SGSM2: variants seen among roughly 807,000 people sequenced by gnomAD.
SGSM2 encodes the protein small G protein signaling modulator 2, also known as RUN and TBC1 domain containing 1.
In SGSM2, 89 loss-of-function variants were observed where a neutral mutation model predicts 126.6. The observed-to-expected ratio is 0.70, with a 90% CI of 0.59 to 0.84. The LOEUF (loss-of-function observed/expected upper bound fraction) is 0.84. Ranked by LOEUF, SGSM2 falls within the 40% of genes least tolerant of loss-of-function variation. The probability of loss-of-function intolerance (pLI) is 0.00; values close to 1 mark genes in which losing one functional copy is unlikely to be tolerated. For synonymous variants in SGSM2, 614 were observed against 574.3 expected (o/e 1.07, Z -0.99); for missense variants, 1,404 against 1,416.6 (o/e 0.99, Z 0.14).
intron 2 of SGSM2, among the ~76,000 whole-genome samples, chr17:2,360,693 TCTGA>T (rs1489111996): frequency 5.9e-5 from 9 of 152,370 alleles, no homozygotes; most frequent in African/African-American, 9.6e-5. Flanking sequence ...CTTTGTTCTG[TCTGA>T]CTGTCTCCAG....
At chr17:2,347,092 C>T (rs1335227568) in intron 2 of SGSM2, among the ~76,000 whole-genome samples, 1 of 151,822 alleles carries the variant, frequency 6.6e-6, no homozygotes, top group Non-Finnish European at 1.5e-5. Context: ...GAGACCCTGT[C>T]TCGTTTGTTT....
Position 2,362,319 on chromosome 17 carries a change from C to T in SGSM2, c.458+49C>T, listed in dbSNP as rs549366754. On this transcript the variant is annotated intron_variant, in intron 4 of 23. Transcript: ENST00000268989. This position sits in a 1 kb window ranked among gnomAD's most constrained non-coding sequence, Gnocchi z 4.9. ...CTGCAGGTGACCACCCCGTTCCCCC[C>T]AAAACTGCAGGTGACCGCCCCGTTC... The T allele has an allele frequency of 1.8e-5, 27 of 1,506,678 alleles. No homozygotes were observed. The highest frequency in any genetic ancestry group is 2.1e-5 in the Non-Finnish European group (24 of 1,125,842). The allele number at this position is 1,506,678 out of a possible 1,614,324, so 93.3% of individuals were successfully genotyped here.
At chr17:2,354,757 A>G (rs945081953) in intron 2 of SGSM2, among the ~76,000 whole-genome samples, 2 of 152,270 alleles carry the variant, frequency 1.3e-5, no homozygotes, top group African/African-American at 4.8e-5. Context: ...GCAGCTCCCC[A>G]CGTCCCTTCC....
chr17:2,347,618 T>G (rs1048160954), intron 2 of SGSM2, among the ~76,000 whole-genome samples: 2 of 151,528 alleles, frequency 1.3e-5, no homozygotes, highest in South Asian at 4.2e-4. Flanking sequence ...CCCCCTCCCC[T>G]GGAGGGGAAG....
At position 2,364,878 on chromosome 17, in the gene SGSM2, T is replaced by C. The variant is rs2065485360; in HGVS notation, c.1001-19T>C. 3.1e-6 allele frequency: 5 copies of C among 1,604,874 alleles called. No individual in the cohort carries two copies. The African/African-American group carries it at 4.0e-5, about 13-fold the overall frequency. Reference sequence around the variant, plus strand: ...GCCGACGAGAGGGCCTCAGCCGCACTCTCCACGTTCACCCCCAGAGAGCGG... The same window carrying C: ...GCCGACGAGAGGGCCTCAGCCGCACCCTCCACGTTCACCCCCAGAGAGCGG... On this transcript the variant is annotated intron_variant, in intron 9 of 23. Transcript: ENST00000268989.
At chr17:2,353,774 A>C (rs1349557740) in intron 2 of SGSM2, among the ~76,000 whole-genome samples, 3 of 151,452 alleles carry the variant, frequency 2.0e-5, no homozygotes, top group Admixed American at 1.3e-4. Context: ...TTTAAAAAAA[A>C]AAGCGTGCAG....
chr17:2,371,253 T>C lies in SGSM2; in HGVS notation c.1424-9T>C. ...CAGGCCCTGACCATGCCACCCTTCC[T>C]GCCCGCAGACGCTGGTGACATGATC... is the stretch of plus-strand genomic sequence containing the variant. On this transcript the variant is annotated splice_polypyrimidine_tract_variant and intron_variant, in intron 12 of 23. Coordinates refer to ENST00000268989, the MANE Select transcript of SGSM2 (RefSeq NM_014853.3). The C allele has an allele frequency of 6.2e-7, 1 of 1,609,424 alleles. No homozygotes were observed. The highest frequency in any genetic ancestry group is 8.5e-7 in the Non-Finnish European group (1 of 1,179,300).
intron 2 of SGSM2, among the ~76,000 whole-genome samples, chr17:2,349,071 C>T (rs2064732041): frequency 6.6e-6 from 1 of 151,310 alleles, no homozygotes. Context: ...CCCACATCTG[C>T]TTTGTTTTTG....
In SGSM2 at chr17:2,367,180, G is replaced by T; in HGVS notation, c.1289-91G>T. 1 of 1,410,380 alleles carries T rather than the reference G, an allele frequency of 7.1e-7. No individual in the cohort carries two copies. 87.4% of individuals were successfully genotyped at this position (1,410,380 alleles called of 1,614,324 possible). ...TGCCCTGCAGATTCACGATGACCCCGGCCTCCATTCCACTCCCCTTAAGGA... is the reference window on the plus strand; with the variant it reads ...TGCCCTGCAGATTCACGATGACCCCTGCCTCCATTCCACTCCCCTTAAGGA... On this transcript the variant is annotated intron_variant, in intron 11 of 23. Coordinates refer to ENST00000268989, the MANE Select transcript of SGSM2 (RefSeq NM_014853.3). This position sits in a 1 kb window ranked among gnomAD's most constrained non-coding sequence, Gnocchi z 4.0.
chr17:2,372,058 G>C lies in SGSM2; in HGVS notation c.1578-132G>C, dbSNP rs758968566. 9.5e-7 allele frequency: 1 copy of C among 1,056,954 alleles called. No individual in the cohort carries two copies. The allele number at this position is 1,056,954 out of a possible 1,614,324, so 65.5% of individuals were successfully genotyped here. ...ACAGGGCACCCACTGACGGCTGCTG[G>C]GCTGCGGCTCCTCCTCCTCGCACCC... is the stretch of plus-strand genomic sequence containing the variant. On this transcript the variant is annotated intron_variant, in intron 13 of 23. Transcript: ENST00000268989. This position sits in a 1 kb window ranked among gnomAD's most constrained non-coding sequence, Gnocchi z 6.0.
chr17:2,373,302 C>A, intron 16 of SGSM2, 29 bp from the exon 17 acceptor site: 1 of 1,598,868 alleles, frequency 6.3e-7, no homozygotes, highest in Admixed American at 1.7e-5. Flanking sequence ...GCACGCTTCC[C>A]CCATGGTCGT....
At position 2,375,614 on chromosome 17, in the gene SGSM2, T is replaced by C; in HGVS notation, c.2223T>C (p.His741=). ...TPGTAVVEQQ[H]SVEFDSPDSG... is the part of the protein sequence containing the mutation. ...GCACCGCCGTGGTGGAGCAGCAGCA[T>C]TCCGTGGAGTTCGACTCTCCAGACT... Residue 741 remains histidine (H), a synonymous_variant, in exon 18 of 24, where the codon CAT becomes CAC. Coordinates refer to ENST00000268989, the MANE Select transcript of SGSM2 (RefSeq NM_014853.3). The C allele has an allele frequency of 6.2e-7, 1 of 1,613,990 alleles. No homozygotes were observed. The highest frequency in any genetic ancestry group is 8.5e-7 in the Non-Finnish European group (1 of 1,180,004).
Position 2,337,645 on chromosome 17 carries a change from C to A in SGSM2, c.-44C>A. The A allele has an allele frequency of 2.2e-6, 3 of 1,365,538 alleles. No individual in the cohort carries two copies. The highest frequency in any genetic ancestry group is 2.9e-6 in the Non-Finnish European group (3 of 1,037,362). 84.6% of individuals were successfully genotyped at this position (1,365,538 alleles called of 1,614,324 possible). On this transcript the variant is annotated 5_prime_UTR_variant, in exon 1 of 24. Transcript: ENST00000268989. This position sits in a 1 kb window ranked among gnomAD's most constrained non-coding sequence, Gnocchi z 5.1. ...CCGAGAGGCGCGGAGGCGGCGAGGG[C>A]GCGGGGGCTCTGAGGACCGCTCGGC...
chr17:2,339,728 TC>T (rs1347300905), intron 1 of SGSM2, among the ~76,000 whole-genome samples: 1 of 145,506 alleles, frequency 6.9e-6, no homozygotes, highest in Non-Finnish European at 1.5e-5. Context: ...AAAAAAAAAG[TC>T]CCGGAAATCT....
intron 2 of SGSM2, among the ~76,000 whole-genome samples, chr17:2,348,221 T>TC (rs1314169154): frequency 6.6e-6 from 1 of 152,124 alleles, no homozygotes; most frequent in African/African-American, 2.4e-5. Flanking sequence ...GGCTTGCCTC[T>TC]CCCCTGGGAT....
intron 19 of SGSM2, 46 bp from the exon 20 acceptor site, chr17:2,376,687 G>A (rs373197059): frequency 6.2e-7 from 1 of 1,601,650 alleles, no homozygotes; most frequent in African/African-American, 1.3e-5. Flanking sequence ...TCCCGAGGGA[G>A]GGAAGAATGG....
At chr17:2,349,793 G>GT (rs71150858) in intron 2 of SGSM2, among the ~76,000 whole-genome samples, 188 of 146,218 alleles carry the variant, frequency 1.3e-3, no homozygotes, top group Admixed American at 4.7e-3. Context: ...GAAATGTTTT[G>GT]TTTTTTTTTT....
intron 2 of SGSM2, among the ~76,000 whole-genome samples, chr17:2,346,001 A>G (rs1032862334): frequency 3.3e-5 from 5 of 152,168 alleles, no homozygotes; most frequent in Non-Finnish European, 5.9e-5. Context: ...CTAGCAAGGT[A>G]TGGATCAAAA....
intron 1 of SGSM2, among the ~76,000 whole-genome samples, chr17:2,338,213 G>A (rs1369268586): frequency 2.0e-5 from 3 of 152,172 alleles, no homozygotes; most frequent in East Asian, 3.9e-4. Flanking sequence ...CGTCCGCTGT[G>A]CCTCCAGCTA....
Sources: allele counts gnomAD v4.1 joint callset (sites outside exome capture counted in the v4.1 genomes callset), GRCh38; gene constraint gnomAD v4.1.1; non-coding constraint Gnocchi (gnomAD v3.1); transcripts MANE v1.5; gene names NCBI Gene and HGNC (gene_info 2026-07-23, HGNC 2026-07-21).